The following SLC12A9 variants were observed in gnomAD, a reference collection of about 807,000 sequenced individuals.
The protein encoded by SLC12A9 is solute carrier family 12 member 9.
Under a neutral mutation model 66.0 loss-of-function variants are expected in SLC12A9, and 55 were observed. That is an observed-to-expected ratio of 0.83 (90% CI 0.67 to 1.04). SLC12A9 has a LOEUF of 1.04. Among genes scored for constraint, SLC12A9 ranks in the 50% least tolerant of loss-of-function variants. SLC12A9 has a pLI of 0.00. For synonymous variants in SLC12A9, 577 were observed against 569.0 expected (o/e 1.01, Z -0.20); for missense variants, 1,061 against 1,241.9 (o/e 0.85, Z 2.19).
intron 1 of SLC12A9, among the ~76,000 whole-genome samples, chr7:100,829,268 G>A (rs1433522993): frequency 2.0e-5 from 3 of 152,144 alleles, no homozygotes; most frequent in Non-Finnish European, 2.9e-5. Flanking sequence ...GATTACAGAC[G>A]TTAGCCACCG....
chr7:100,839,285 C>T (rs1446446868), intron 1 of SLC12A9, among the ~76,000 whole-genome samples: 1 of 151,946 alleles, frequency 6.6e-6, no homozygotes, highest in African/African-American at 2.4e-5. Context: ...GATCACGCCA[C>T]TGCACTCCAG....
intron 1 of SLC12A9, among the ~76,000 whole-genome samples, chr7:100,844,849 C>A (rs1163350859): frequency 1.3e-5 from 2 of 152,208 alleles, no homozygotes; most frequent in Non-Finnish European, 2.9e-5. Flanking sequence ...TTCAAAACTT[C>A]TATGATAAAC....
intron 4 of SLC12A9, chr7:100,856,364 C>T (rs577279814): frequency 7.3e-4 from 119 of 162,048 alleles, no homozygotes; most frequent in African/African-American, 2.7e-3. Flanking sequence ...CTCACCACCA[C>T]GCCTGGCTAA....
chr7:100,855,037 G>A (rs1433758246), intron 3 of SLC12A9, among the ~76,000 whole-genome samples: 1 of 152,074 alleles, frequency 6.6e-6, no homozygotes, highest in African/African-American at 2.4e-5. Flanking sequence ...GATGGCACCC[G>A]CCTGTGATTC....
At chr7:100,830,600 A>G (rs1305609260) in intron 1 of SLC12A9, among the ~76,000 whole-genome samples, 3 of 151,754 alleles carry the variant, frequency 2.0e-5, no homozygotes, top group African/African-American at 4.8e-5. Context: ...ATTTTCTACC[A>G]TCTAGTGTAT....
intron 3 of SLC12A9, 49 bp from the exon 4 acceptor site, chr7:100,855,657 G>A (rs763012658): frequency 1.4e-5 from 23 of 1,611,642 alleles, no homozygotes; most frequent in Non-Finnish European, 1.7e-5. Flanking sequence ...ACTTCCTCAC[G>A]TCCATTTCAG....
At chr7:100,836,630 C>T (rs1467446393) in intron 1 of SLC12A9, among the ~76,000 whole-genome samples, 2 of 152,134 alleles carry the variant, frequency 1.3e-5, no homozygotes, top group African/African-American at 4.8e-5. Context: ...CTCCAGGAAC[C>T]CTGGAATTTC....
intron 1 of SLC12A9, chr7:100,827,153 G>T: frequency 9.3e-7 from 1 of 1,076,628 alleles, no homozygotes; most frequent in Non-Finnish European, 1.3e-6. Context: ...GGGGCCCTCA[G>T]CGCGGGCCCA....
chr7:100,853,194 TG>T (rs1225151897), intron 1 of SLC12A9: 2 of 150,936 alleles, frequency 1.3e-5, no homozygotes, highest in Non-Finnish European at 3.0e-5. Flanking sequence ...GTGATTGCAT[TG>T]GGGGGCTTGG....
intron 13 of SLC12A9, 124 bp from the exon 14 acceptor site, chr7:100,865,595 G>A (rs1435716125): frequency 1.7e-5 from 27 of 1,566,574 alleles, no homozygotes; most frequent in African/African-American, 9.5e-5. Flanking sequence ...GTAAGAGCCC[G>A]TACACAGTGG....
intron 1 of SLC12A9, among the ~76,000 whole-genome samples, chr7:100,840,000 CCTGATCACCCATGGT>C (rs1813750989): frequency 6.6e-6 from 1 of 150,816 alleles, no homozygotes; most frequent in Non-Finnish European, 1.5e-5. Flanking sequence ...GGAAGCGTGG[CCTGATCACCCATGGT>C]GTGCCTGTAC....
At chr7:100,835,957 G>A (rs1272808888) in intron 1 of SLC12A9, among the ~76,000 whole-genome samples, 1 of 152,248 alleles carries the variant, frequency 6.6e-6, no homozygotes, top group Non-Finnish European at 1.5e-5. Flanking sequence ...CGACTGTTCA[G>A]GGAGTGGAGT....
chr7:100,863,766 C>T (rs1406736459), intron 13 of SLC12A9, among the ~76,000 whole-genome samples: 2 of 152,316 alleles, frequency 1.3e-5, no homozygotes, highest in East Asian at 3.9e-4. Flanking sequence ...GGACCAGTGC[C>T]CGTCACCAAA....
At chr7:100,862,399 C>T (rs1402875966) in intron 12 of SLC12A9, among the ~76,000 whole-genome samples, 1 of 152,170 alleles carries the variant, frequency 6.6e-6, no homozygotes, top group African/African-American at 2.4e-5. Flanking sequence ...GCTGGGACTA[C>T]AGGTGTGTGC....
intron 1 of SLC12A9, among the ~76,000 whole-genome samples, chr7:100,833,961 A>G (rs1350874567): frequency 6.7e-6 from 1 of 149,112 alleles, no homozygotes; most frequent in East Asian, 2.0e-4. Flanking sequence ...AAAAAAAAAA[A>G]GAAAGAAGGA....
intron 1 of SLC12A9, among the ~76,000 whole-genome samples, chr7:100,828,393 G>A (rs993915256): frequency 2.0e-5 from 3 of 151,756 alleles, no homozygotes; most frequent in Non-Finnish European, 4.4e-5. Context: ...ACAAAAATTA[G>A]CTGGGCATGG....
intron 9 of SLC12A9, chr7:100,860,759 CTG>C (rs1271044063): frequency 1.3e-5 from 5 of 384,218 alleles, no homozygotes; most frequent in South Asian, 6.3e-5. Context: ...CTGGCACTCT[CTG>C]GGGTTCATTG....
intron 1 of SLC12A9, among the ~76,000 whole-genome samples, chr7:100,845,275 T>C (rs528830848): frequency 1.3e-5 from 2 of 150,038 alleles, no homozygotes; most frequent in South Asian, 2.2e-4. Flanking sequence ...ATACTAGATA[T>C]GTGGACATAG....
Position 100,861,318 on chromosome 7 carries a change from C to G in SLC12A9, c.1343+56C>G. The stretch of plus-strand genomic sequence containing the variant: ...GAAGAAGGGAGGACTCGGGCTCAGG[C>G]GTGGGGCTGGGGACTGCAGCCTCGT... On this transcript the variant is annotated intron_variant, in intron 10 of 13. Transcript: ENST00000354161. The surrounding 1 kb of genome is among the most constrained non-coding windows in gnomAD (Gnocchi z 5.3). The G allele has an allele frequency of 6.2e-7, 1 of 1,612,990 alleles. No homozygotes were observed. The highest frequency in any genetic ancestry group is 8.5e-7 in the Non-Finnish European group (1 of 1,179,192).
Sources: allele counts gnomAD v4.1 joint callset (sites outside exome capture counted in the v4.1 genomes callset), GRCh38; gene constraint gnomAD v4.1.1; non-coding constraint Gnocchi (gnomAD v3.1); transcripts MANE v1.5; gene names NCBI Gene and HGNC (gene_info 2026-07-23, HGNC 2026-07-21).